Variants in ZNF423 observed in about 807,000 individuals in gnomAD.
The protein encoded by ZNF423 is Ebf-associated zinc finger protein.
ZNF423 carries 12 observed loss-of-function variants against 95.8 expected under a neutral mutation model. The observed-to-expected ratio is 0.13, with a 90% CI of 0.08 to 0.20. The LOEUF is 0.20. ZNF423 is among the 10% of genes least tolerant of loss of function. ZNF423 has a pLI of 1.00. For synonymous variants in ZNF423, 749 were observed against 711.9 expected (o/e 1.05, Z -0.83); for missense variants, 1,316 against 1,737.1 (o/e 0.76, Z 4.31).
intron 3 of ZNF423, among the ~76,000 whole-genome samples, chr16:49,666,277 G>C (rs976364373): frequency 6.6e-6 from 1 of 152,172 alleles, no homozygotes; most frequent in African/African-American, 2.4e-5. Context: ...CCTACCATAC[G>C]TTACTGGGGC....
intron 1 of ZNF423, among the ~76,000 whole-genome samples, chr16:49,790,075 AG>A (rs974017070): frequency 2.3e-4 from 35 of 152,340 alleles, no homozygotes; most frequent in Middle Eastern, 3.4e-3. Context: ...CCCACACCCC[AG>A]GACATAAGCC....
chr16:49,769,457 C>T (rs1388174101), intron 2 of ZNF423, among the ~76,000 whole-genome samples: 2 of 152,056 alleles, frequency 1.3e-5, no homozygotes, highest in East Asian at 1.9e-4. Context: ...GACCTTGCTC[C>T]CAACCCCATA....
intron 1 of ZNF423, chr16:49,854,017 A>C: frequency 1.0e-6 from 1 of 985,352 alleles, no homozygotes; most frequent in Non-Finnish European, 1.2e-6. Context: ...TGAGCCAGGG[A>C]AAGAGAAAAG....
At chr16:49,641,579 G>T (rs1209207991) in intron 3 of ZNF423, among the ~76,000 whole-genome samples, 1 of 152,136 alleles carries the variant, frequency 6.6e-6, no homozygotes, top group Non-Finnish European at 1.5e-5. Context: ...TTCTGCCAGG[G>T]TTCATTTGCT....
At chr16:49,809,661 T>C (rs2034720829) in intron 1 of ZNF423, among the ~76,000 whole-genome samples, 1 of 152,204 alleles carries the variant, frequency 6.6e-6, no homozygotes, top group African/African-American at 2.4e-5. Context: ...GCAGACCACA[T>C]GCTGGCTCCC....
chr16:49,771,604 T>C (rs1204507390), intron 2 of ZNF423, among the ~76,000 whole-genome samples: 2 of 152,170 alleles, frequency 1.3e-5, no homozygotes, highest in Non-Finnish European at 1.5e-5. Flanking sequence ...ACTGTTCTCA[T>C]GGTAGTGAGT....
chr16:49,759,400 G>GA lies in ZNF423; in HGVS notation c.101-28430dup, dbSNP rs1285908224. ...GGTGACAGGGCGAGACGCCACCTCA[G>GA]AAAAAAAAAAAAGGAAAGCTTGCTA... On this transcript the variant is annotated intron_variant, in intron 2 of 7. Coordinates refer to ENST00000563137, the MANE Select transcript of ZNF423 (RefSeq NM_001379286.1). Among the ~76,000 whole-genome samples the GA allele has an allele frequency of 1.4e-3, 189 of 132,458 alleles. No homozygotes were observed. In the Middle Eastern group the frequency reaches 0.018, roughly 13 times the overall value. 86.9% of individuals were successfully genotyped at this position (132,458 alleles called of 152,430 possible).
intron 2 of ZNF423, among the ~76,000 whole-genome samples, chr16:49,734,619 G>A (rs1295830120): frequency 3.9e-5 from 6 of 152,150 alleles, no homozygotes; most frequent in Admixed American, 3.9e-4. Flanking sequence ...AAGACAGCTC[G>A]CTCAGGGAAG....
chr16:49,854,504 C>A, intron 1 of ZNF423: 3 of 985,470 alleles, frequency 3.0e-6, no homozygotes, highest in Non-Finnish European at 2.4e-6. Flanking sequence ...CAGAACTGGG[C>A]TCAGGCCAGA....
intron 1 of ZNF423, among the ~76,000 whole-genome samples, chr16:49,842,363 A>AGG (rs2035196579): frequency 2.3e-5 from 2 of 85,750 alleles, no homozygotes; most frequent in African/African-American, 9.4e-5. Context: ...GAAGGGAGAG[A>AGG]GACAGGAAGG....
chr16:49,539,443 T>G (rs962142648), intron 5 of ZNF423, among the ~76,000 whole-genome samples: 1 of 152,150 alleles, frequency 6.6e-6, no homozygotes, highest in Non-Finnish European at 1.5e-5. Context: ...TGAACAGAAG[T>G]GCAGCCTCGG....
chr16:49,671,789 A>T (rs1456408719), intron 3 of ZNF423, among the ~76,000 whole-genome samples: 1 of 151,840 alleles, frequency 6.6e-6, no homozygotes, highest in Non-Finnish European at 1.5e-5. Context: ...GGCTCAAGAG[A>T]TTCTCATGCC....
intron 3 of ZNF423, among the ~76,000 whole-genome samples, chr16:49,656,859 C>T (rs768768040): frequency 1.9e-4 from 29 of 152,170 alleles, no homozygotes; most frequent in Admixed American, 6.5e-4. Context: ...CTATTACCAG[C>T]CCCATTTTAT....
At chr16:49,515,759 C>T (rs1390606337) in intron 7 of ZNF423, among the ~76,000 whole-genome samples, 1 of 152,210 alleles carries the variant, frequency 6.6e-6, no homozygotes, top group African/African-American at 2.4e-5. Context: ...TGCACGCATC[C>T]CCACAGTGAG....
chr16:49,708,785 G>C (rs2032444524), intron 3 of ZNF423, among the ~76,000 whole-genome samples: 2 of 152,280 alleles, frequency 1.3e-5, no homozygotes, highest in East Asian at 3.9e-4. Context: ...ACTAATGTCT[G>C]TTCCCCCCAG....
rs949066862 is a variant in ZNF423 at position 49,798,549 on chromosome 16, C to T, written c.41-9003G>A. On this transcript the variant is annotated intron_variant, in intron 1 of 7. Coordinates refer to ENST00000563137, the MANE Select transcript of ZNF423 (RefSeq NM_001379286.1). ...AAAAAAGAAGCCTGTTTTCAGACAA[C>T]ACAACTCCTAACCAGAAATCTTCTA... Among the ~76,000 whole-genome samples, 20 of 152,220 alleles carry T rather than the reference C, an allele frequency of 1.3e-4. 1 individual carries two copies. The highest frequency in any genetic ancestry group is 6.5e-4 in the Admixed American group (10 of 15,286).
At chr16:49,785,370 C>T (rs948197650) in intron 2 of ZNF423, among the ~76,000 whole-genome samples, 1 of 152,154 alleles carries the variant, frequency 6.6e-6, no homozygotes, top group African/African-American at 2.4e-5. Context: ...CATGAGCTAC[C>T]GCGCCTGGTC....
intron 3 of ZNF423, among the ~76,000 whole-genome samples, chr16:49,643,902 G>A (rs2151894886): frequency 6.6e-6 from 1 of 152,342 alleles, no homozygotes; most frequent in Non-Finnish European, 1.5e-5. Flanking sequence ...GCAGCAGAAA[G>A]AGCCAGGTGA....
At chr16:49,841,156 G>T (rs1002633424) in intron 1 of ZNF423, among the ~76,000 whole-genome samples, 1 of 152,168 alleles carries the variant, frequency 6.6e-6, no homozygotes, top group South Asian at 2.1e-4. Flanking sequence ...AGGACGTGGG[G>T]AAAGAGGGGT....
Sources: gnomAD v4.1 joint callset for allele counts (sites outside exome capture counted in the v4.1 genomes callset) on GRCh38, gnomAD v4.1.1 for gene constraint, MANE v1.5 for transcripts, NCBI Gene and HGNC (gene_info 2026-07-23, HGNC 2026-07-21) for gene names.